Variants in GLCE observed in about 807,000 individuals in gnomAD.
The protein encoded by GLCE is glucuronic acid epimerase, also known as D-glucuronyl C5-epimerase.
GLCE carries 19 observed loss-of-function variants against 47.9 expected under a neutral mutation model. That is an observed-to-expected ratio of 0.40 (90% CI 0.28 to 0.58). The LOEUF (loss-of-function observed/expected upper bound fraction) is 0.58, where lower values mean the gene tolerates loss of function less well. Ranked by LOEUF, GLCE falls within the 20% of genes least tolerant of loss-of-function variation. The probability of loss-of-function intolerance (pLI) is 0.48; values close to 1 mark genes in which losing one functional copy is unlikely to be tolerated. For synonymous variants in GLCE, 245 were observed against 263.4 expected, an observed-to-expected ratio of 0.93 and a Z score of 0.68; for missense variants, 556 against 743.3, an observed-to-expected ratio of 0.75 and a Z score of 2.93.
At chr15:69,253,599 T>TA (rs1173456025) in intron 2 of GLCE, among the ~76,000 whole-genome samples, 1 of 152,118 alleles carries the variant, frequency 6.6e-6, no homozygotes, top group Non-Finnish European at 1.5e-5. Flanking sequence ...AACTTTATTT[T>TA]AAAAAAAGAA....
At chr15:69,224,778 C>A (rs1214333805) in intron 2 of GLCE, among the ~76,000 whole-genome samples, 1 of 152,188 alleles carries the variant, frequency 6.6e-6, no homozygotes, top group South Asian at 2.1e-4. Flanking sequence ...AATTAATGCA[C>A]TTTATCATTT....
chr15:69,163,736 T>C (rs1157354070), intron 1 of GLCE, among the ~76,000 whole-genome samples: 1 of 152,194 alleles, frequency 6.6e-6, no homozygotes, highest in Non-Finnish European at 1.5e-5. Context: ...CTTGAATCTA[T>C]TTCAATGAGC....
intron 2 of GLCE, among the ~76,000 whole-genome samples, chr15:69,212,802 A>T (rs528883193): frequency 1.8e-4 from 28 of 152,196 alleles, no homozygotes; most frequent in African/African-American, 6.7e-4. Context: ...ATTTTCATAT[A>T]ACTGTCAGGG....
chr15:69,190,055 T>G (rs2051890383), intron 1 of GLCE, among the ~76,000 whole-genome samples: 1 of 152,142 alleles, frequency 6.6e-6, no homozygotes, highest in Non-Finnish European at 1.5e-5. Context: ...TTTTCTAACA[T>G]TCAGAAGTAT....
intron 2 of GLCE, among the ~76,000 whole-genome samples, chr15:69,243,634 C>T (rs1006658355): frequency 3.3e-5 from 5 of 150,650 alleles, no homozygotes; most frequent in Non-Finnish European, 7.4e-5. Context: ...TTTGCTGTCA[C>T]TGGTGATTTT....
rs544022694 is a variant in GLCE, at chr15:69,226,890, G to A, written c.-14+16484G>A. Among the ~76,000 whole-genome samples the A allele has an allele frequency of 7.3e-5, 11 of 151,620 alleles. No homozygotes were observed. The East Asian group carries it at 9.7e-4, about 13-fold the overall frequency. On this transcript the variant is annotated intron_variant, in intron 2 of 4. Coordinates refer to ENST00000261858, the MANE Select transcript of GLCE (RefSeq NM_015554.3). ...CTCCTGAGTAGCTGGGATTACAGGCGCCCACCACCACACTCAGCTAATTTT... is the reference window on the plus strand; with the variant it reads ...CTCCTGAGTAGCTGGGATTACAGGCACCCACCACCACACTCAGCTAATTTT...
chr15:69,267,012 C>T (rs1288988614), intron 4 of GLCE, among the ~76,000 whole-genome samples: 1 of 151,978 alleles, frequency 6.6e-6, no homozygotes, highest in African/African-American at 2.4e-5. Flanking sequence ...GAAGATTTCC[C>T]TTTAATATTT....
chr15:69,235,737 T>C (rs1190097137), intron 2 of GLCE, among the ~76,000 whole-genome samples: 2 of 152,218 alleles, frequency 1.3e-5, no homozygotes, highest in Admixed American at 1.3e-4. Flanking sequence ...TATATTTTCA[T>C]AGCATTTATT....
At chr15:69,228,460 T>C (rs957690728) in intron 2 of GLCE, among the ~76,000 whole-genome samples, 1 of 152,116 alleles carries the variant, frequency 6.6e-6, no homozygotes, top group African/African-American at 2.4e-5. Flanking sequence ...AGGGTAACCA[T>C]GATTGAAACA....
chr15:69,239,672 A>T (rs2052639634), intron 2 of GLCE, among the ~76,000 whole-genome samples: 1 of 152,218 alleles, frequency 6.6e-6, no homozygotes, highest in Non-Finnish European at 1.5e-5. Flanking sequence ...AGAAAAAGAA[A>T]TAACTGCAGT....
At chr15:69,182,314 A>C (rs2051761704) in intron 1 of GLCE, among the ~76,000 whole-genome samples, 2 of 151,416 alleles carry the variant, frequency 1.3e-5, no homozygotes, top group East Asian at 3.9e-4. Context: ...AGAGAGAGAG[A>C]GAGTGCATGT....
Position 69,160,855 on chromosome 15 carries a change from G to A in GLCE, c.-105+98G>A, listed in dbSNP as rs1426083335. ...GGGCTCCTGACGGGGGCGGCTCTGG[G>A]GGCTGCGCGGCGCTGCCTGGTGGGC... On this transcript the variant is annotated intron_variant, in intron 1 of 4. Transcript: ENST00000261858. This position sits in a 1 kb window ranked among gnomAD's most constrained non-coding sequence, Gnocchi z 4.2. 6.5e-6 allele frequency: 1 copy of A among 152,998 alleles called. No homozygotes were observed. Among genetic ancestry groups the A allele is most frequent in the Non-Finnish European group, 1.5e-5 (1 of 68,710 alleles). 9.5% of individuals were successfully genotyped at this position (152,998 alleles called of 1,614,324 possible).
intron 2 of GLCE, among the ~76,000 whole-genome samples, chr15:69,252,196 T>C (rs142026043): frequency 1.2e-3 from 183 of 152,310 alleles, no homozygotes; most frequent in African/African-American, 4.2e-3. Context: ...AACATATTGG[T>C]AGCTGTGTTA....
At position 69,255,937 on chromosome 15, in the gene GLCE, G is replaced by T. The variant is rs1480205293; in HGVS notation, c.131G>T (p.Ser44Ile). The change falls in exon 3 of 5, where the codon AGT becomes ATT. Residue 44 changes from serine to isoleucine, a missense_variant. Physicochemically the swap from Ser to Ile is moderately radical, Grantham distance 142. Transcript: ENST00000261858. ...DKAIQFPRRS[S>I]SGFRVDGFEK... ...GCAATCCAGTTTCCACGGCGTTCGA[G>T]TAGTGGCTTCAGAGTGGATGGGTTT... The T allele has an allele frequency of 6.2e-7, 1 of 1,614,004 alleles. No homozygotes were observed. The highest frequency in any genetic ancestry group is 2.2e-5 in the East Asian group (1 of 44,882).
intron 3 of GLCE, among the ~76,000 whole-genome samples, chr15:69,259,325 T>C (rs1219598263): frequency 2.0e-5 from 3 of 152,210 alleles, no homozygotes; most frequent in Non-Finnish European, 4.4e-5. Context: ...ATATGATTTG[T>C]TGGTTTTAGA....
intron 1 of GLCE, among the ~76,000 whole-genome samples, chr15:69,185,672 C>A (rs2051812724): frequency 6.6e-6 from 1 of 151,964 alleles, no homozygotes; most frequent in African/African-American, 2.4e-5. Context: ...CCACAAAAAT[C>A]ATCATCAATA....
intron 1 of GLCE, among the ~76,000 whole-genome samples, chr15:69,166,528 A>G (rs1441365776): frequency 6.6e-6 from 1 of 152,214 alleles, no homozygotes; most frequent in Non-Finnish European, 1.5e-5. Flanking sequence ...GAGGAAGCAC[A>G]CATGCAAGAG....
At chr15:69,176,228 T>TTTG (rs1555402903) in intron 1 of GLCE, among the ~76,000 whole-genome samples, 1 of 138,098 alleles carries the variant, frequency 7.2e-6, no homozygotes, top group African/African-American at 2.7e-5. Flanking sequence ...TTTTTTTTTT[T>TTTG]TTTTTTTTTT....
intron 1 of GLCE, among the ~76,000 whole-genome samples, chr15:69,202,543 A>G (rs1003425558): frequency 8.5e-5 from 13 of 152,082 alleles, no homozygotes; most frequent in Non-Finnish European, 1.8e-4. Flanking sequence ...ATGCCTTCTA[A>G]AAGACAGTTA....
Sources: allele counts gnomAD v4.1 joint callset (sites outside exome capture counted in the v4.1 genomes callset), GRCh38; gene constraint gnomAD v4.1.1; non-coding constraint Gnocchi (gnomAD v3.1); transcripts MANE v1.5; gene names NCBI Gene and HGNC (gene_info 2026-07-23, HGNC 2026-07-21).